Variants in PLOD2 observed in about 807,000 individuals in gnomAD.
PLOD2 encodes the protein procollagen-lysine,2-oxoglutarate 5-dioxygenase 2.
PLOD2 carries 65 observed loss-of-function variants against 101.0 expected under a neutral mutation model. That is an observed-to-expected ratio of 0.64 (90% CI 0.53 to 0.79). The LOEUF (loss-of-function observed/expected upper bound fraction) is 0.79, where lower values mean the gene tolerates loss of function less well. Ranked by LOEUF, PLOD2 falls within the 30% of genes least tolerant of loss-of-function variation. The pLI, the probability that PLOD2 is intolerant of heterozygous loss-of-function variation, is 0.00. For missense variants in PLOD2, 909 were observed against 914.6 expected (o/e 0.99, Z 0.08); for synonymous variants, 314 against 302.9 (o/e 1.04, Z -0.38).
intron 1 of PLOD2, among the ~76,000 whole-genome samples, chr3:146,136,861 T>C (rs2031260795): frequency 6.6e-6 from 1 of 152,212 alleles, no homozygotes; most frequent in Non-Finnish European, 1.5e-5. Context: ...CTCTATGATG[T>C]TTCTACAATG....
At chr3:146,101,562 G>T (rs182896659) in intron 7 of PLOD2, among the ~76,000 whole-genome samples, 1 of 152,280 alleles carries the variant, frequency 6.6e-6, no homozygotes, top group East Asian at 1.9e-4. Flanking sequence ...ACTCAACAAA[G>T]ATTTCACAAT....
chr3:146,139,915 A>G (rs1364736662), intron 1 of PLOD2, among the ~76,000 whole-genome samples: 4 of 152,056 alleles, frequency 2.6e-5, no homozygotes, highest in African/African-American at 7.2e-5. Flanking sequence ...CACCTCGTAT[A>G]CAGTCAAATT....
At chr3:146,130,846 T>G (rs745661706) in intron 1 of PLOD2, among the ~76,000 whole-genome samples, 15 of 152,174 alleles carry the variant, frequency 9.9e-5, no homozygotes, top group Non-Finnish European at 2.1e-4. Flanking sequence ...AACTTAAGAC[T>G]TCTATCCTTA....
intron 3 of PLOD2, among the ~76,000 whole-genome samples, chr3:146,119,654 C>A (rs1405128011): frequency 6.6e-6 from 1 of 151,904 alleles, no homozygotes; most frequent in Non-Finnish European, 1.5e-5. Context: ...CATGTGATCT[C>A]ATTGTTCAAT....
At chr3:146,149,647 T>G (rs1175791409) in intron 1 of PLOD2, among the ~76,000 whole-genome samples, 1 of 152,180 alleles carries the variant, frequency 6.6e-6, no homozygotes, top group Non-Finnish European at 1.5e-5. Context: ...TAAAAGTTTA[T>G]CATTTTAATA....
chr3:146,148,315 C>T (rs1464150213), intron 1 of PLOD2, among the ~76,000 whole-genome samples: 1 of 101,430 alleles, frequency 9.9e-6, no homozygotes, highest in East Asian at 2.8e-4. Context: ...ATTATTTATA[C>T]AGGCAGGCAG....
At chr3:146,101,675 A>T (rs1311640275) in intron 7 of PLOD2, among the ~76,000 whole-genome samples, 1 of 152,186 alleles carries the variant, frequency 6.6e-6, no homozygotes, top group African/African-American at 2.4e-5. Context: ...GGAGGAGAAA[A>T]GCCAGGTGCA....
chr3:146,081,260 C>T (rs1331454213), intron 12 of PLOD2, among the ~76,000 whole-genome samples: 1 of 152,010 alleles, frequency 6.6e-6, no homozygotes, highest in East Asian at 1.9e-4. Context: ...GTAAAAAAAA[C>T]TTGTATTTAA....
At chr3:146,103,865 ACACT>A (rs373954999) in intron 6 of PLOD2, among the ~76,000 whole-genome samples, 1,363 of 119,666 alleles carry the variant, frequency 0.011, 28 homozygotes, top group African/African-American at 0.038. Flanking sequence ...ACACACACAC[ACACT>A]CTTCCCCAGT....
At chr3:146,074,786 T>C (rs368002419) in intron 15 of PLOD2, among the ~76,000 whole-genome samples, 9 of 151,552 alleles carry the variant, frequency 5.9e-5, no homozygotes, top group South Asian at 2.1e-4. Flanking sequence ...TTTCAAATCA[T>C]TGAGCAAACT....
intron 2 of PLOD2, 75 bp from the exon 3 acceptor site, chr3:146,121,323 C>G: frequency 8.0e-7 from 1 of 1,245,112 alleles, no homozygotes; most frequent in Non-Finnish European, 1.2e-6. Flanking sequence ...TTAAAGACAT[C>G]ATCAACTTGA....
chr3:146,095,849 T>C (rs1274009760), intron 7 of PLOD2, among the ~76,000 whole-genome samples: 10 of 143,256 alleles, frequency 7.0e-5, no homozygotes, highest in African/African-American at 2.1e-4. Flanking sequence ...AAATGTGGCA[T>C]ATACCCTCTC....
At chr3:146,111,288 T>C (rs1937627952) in intron 3 of PLOD2, among the ~76,000 whole-genome samples, 1 of 152,204 alleles carries the variant, frequency 6.6e-6, no homozygotes, top group Non-Finnish European at 1.5e-5. Context: ...GATAAATTAA[T>C]GACTTACCAT....
rs769818869 is a variant in PLOD2 at position 146,085,171 on chromosome 3, G to T, written c.1230C>A (p.Asn410Lys). 8 of 1,403,864 alleles carry T rather than the reference G, an allele frequency of 5.7e-6. No homozygotes were observed. The East Asian group carries it at 1.8e-4, about 32-fold the overall frequency. 87.0% of individuals were successfully genotyped at this position (1,403,864 alleles called of 1,614,324 possible). ...PRTLKILIEQ[N>K]RKIIAPLVTR... is the part of the protein sequence containing the mutation. ...TGATATCGAATTTTAGAAAGTACCT[G>T]TTTTGTTCAATCAAAATTTTTAAAG... Residue 410 changes from asparagine to lysine, a missense_variant and splice_region_variant, in exon 11 of 20, where the codon AAC becomes AAA. Transcript: ENST00000282903.
intron 1 of PLOD2, among the ~76,000 whole-genome samples, chr3:146,160,045 A>G (rs2032494503): frequency 6.6e-6 from 1 of 152,242 alleles, no homozygotes; most frequent in South Asian, 2.1e-4. Context: ...AAAACAAAAC[A>G]AAACAAAAAG....
chr3:146,070,735 C>T lies in PLOD2; in HGVS notation c.2259G>A (p.Val753=). Residue 753 remains valine, a synonymous_variant, in exon 20 of 20, where the codon GTG becomes GTA. Transcript: ENST00000282903. ...AAATAACTTAGGGATCTATAAATGA[C>T]ACTGCAATGTATCTTGTTCCATTTT... ...PVKNGTRYIA[V]SFIDP The T allele has an allele frequency of 6.2e-7, 1 of 1,605,962 alleles. No individual in the cohort carries two copies. The highest frequency in any genetic ancestry group is 1.3e-5 in the African/African-American group (1 of 74,740).
At chr3:146,125,669 C>T (rs1299910389) in intron 1 of PLOD2, among the ~76,000 whole-genome samples, 1 of 152,082 alleles carries the variant, frequency 6.6e-6, no homozygotes, top group Non-Finnish European at 1.5e-5. Context: ...ATCGCTTGAA[C>T]TCGGGGGGCG....
In PLOD2 at chr3:146,148,342, A is replaced by ACG. The variant is rs2108136417; in HGVS notation, c.109+12538_109+12539insCG. 2.2e-5 allele frequency among the ~76,000 whole-genome samples: 3 copies of ACG among 135,320 alleles called. No individual in the cohort carries two copies. In the South Asian group the frequency reaches 7.4e-4, roughly 34 times the overall value. The allele number at this position is 135,320 out of a possible 152,430, so 88.8% of individuals were successfully genotyped here. On this transcript the variant is annotated intron_variant, in intron 1 of 19. Coordinates refer to ENST00000282903, the MANE Select transcript of PLOD2 (RefSeq NM_182943.3). ...GGCAGGCAGGCAGGCAGGCACGCAC[A>ACG]CACACACACACACACACACACACAC...
chr3:146,151,203 G>A (rs1043349143), intron 1 of PLOD2, among the ~76,000 whole-genome samples: 1 of 152,140 alleles, frequency 6.6e-6, no homozygotes, highest in Admixed American at 6.5e-5. Flanking sequence ...ACACTTAAAA[G>A]TCAAGAGACA....
Sources: gnomAD v4.1 joint callset for allele counts (sites outside exome capture counted in the v4.1 genomes callset) on GRCh38, gnomAD v4.1.1 for gene constraint, MANE v1.5 for transcripts, NCBI Gene and HGNC (gene_info 2026-07-23, HGNC 2026-07-21) for gene names.